Variants in ADAM10 observed in about 807,000 individuals in gnomAD.
ADAM10 encodes ADAM metallopeptidase domain 10, also known as disintegrin and metalloproteinase domain-containing protein 10.
A neutral mutation model predicts 90.1 loss-of-function variants in ADAM10; 17 were observed. The ratio of observed to expected loss-of-function variants is 0.19; its 90% CI spans 0.13 to 0.28. The LOEUF (loss-of-function observed/expected upper bound fraction) is 0.28, where lower values mean the gene tolerates loss of function less well. Ranked by LOEUF, ADAM10 falls within the 10% of genes least tolerant of loss-of-function variation. The pLI is 1.00. For missense variants in ADAM10, 610 were observed against 914.3 expected, an observed-to-expected ratio of 0.67 and a Z score of 4.29; for synonymous variants, 310 against 298.6, an observed-to-expected ratio of 1.04 and a Z score of -0.40.
At chr15:58,729,226 G>T (rs536853794) in intron 1 of ADAM10, among the ~76,000 whole-genome samples, 15 of 152,084 alleles carry the variant, frequency 9.9e-5, no homozygotes, top group Non-Finnish European at 1.8e-4. Context: ...AGAAAATATG[G>T]AGGCCTACTA....
Position 58,623,042 on chromosome 15 carries a change from G to A in ADAM10, c.1361-1421C>T, listed in dbSNP as rs149440152. Among the ~76,000 whole-genome samples the A allele has an allele frequency of 8.4e-3, 1,276 of 152,094 alleles. 18 individuals are homozygous for A. The highest frequency in any genetic ancestry group is 0.029 in the African/African-American group (1,214 of 41,466). On this transcript the variant is annotated intron_variant, in intron 10 of 15. Coordinates refer to ENST00000260408, the MANE Select transcript of ADAM10 (RefSeq NM_001110.4). ...AGTCATTGTACAGGCTTTAAGTTGC[G>A]AATTGAATAAGTAGAAGGGAACACA...
In ADAM10 at chr15:58,597,178, A is replaced by T; in HGVS notation, c.*369T>A. 3.6e-6 allele frequency: 2 copies of T among 561,618 alleles called. No homozygotes were observed. The highest frequency in any genetic ancestry group is 6.7e-5 in the East Asian group (2 of 29,696). The allele number at this position is 561,618 out of a possible 1,614,324, so 34.8% of individuals were successfully genotyped here. A position where few individuals can be genotyped will look rare whatever the true frequency, so the allele number is the denominator to read the frequency against. ...CTAGCCTTGATTGGCAGTTGAAAAA[A>T]ATATATTTATTTCAATTTGTGGTAA... On this transcript the variant is annotated 3_prime_UTR_variant, in exon 16 of 16. Transcript: ENST00000260408.
chr15:58,607,178 T>A (rs1206821792), intron 14 of ADAM10, among the ~76,000 whole-genome samples: 2 of 152,228 alleles, frequency 1.3e-5, no homozygotes, highest in Non-Finnish European at 2.9e-5. Context: ...TCTAGATGAG[T>A]GGTTCTTAAC....
Position 58,735,251 on chromosome 15 carries a change from T to C in ADAM10, c.55+14229A>G, listed in dbSNP as rs538472730. On this transcript the variant is annotated intron_variant, in intron 1 of 15. Transcript: ENST00000260408. ...TTTACTCCGATTCCTTATCACCTAC[T>C]CTATCCTGATCCTTACTACTTGCTA... 5.3e-5 allele frequency among the ~76,000 whole-genome samples: 8 copies of C among 152,290 alleles called. No individual in the cohort carries two copies. In the South Asian group the frequency reaches 1.0e-3, roughly 20 times the overall value.
rs1894896518 is a variant in ADAM10, at chr15:58,594,363, T to C, written c.*3184A>G. On this transcript the variant is annotated 3_prime_UTR_variant, in exon 16 of 16. Coordinates refer to ENST00000260408, the MANE Select transcript of ADAM10 (RefSeq NM_001110.4). Reference sequence around the variant, plus strand: ...GTTGCCAAGGACACCAATCCCATCTTTAAGAAATAATAATAATTAGGTCTT... The same window carrying C: ...GTTGCCAAGGACACCAATCCCATCTCTAAGAAATAATAATAATTAGGTCTT... 1 of 152,212 alleles carries C rather than the reference T, an allele frequency of 6.6e-6. No individual in the cohort carries two copies. Among genetic ancestry groups the C allele is most frequent in the Non-Finnish European group, 1.5e-5 (1 of 68,032 alleles). 9.4% of individuals were successfully genotyped at this position (152,212 alleles called of 1,614,324 possible).
rs1894904036 is a variant in ADAM10, at chr15:58,594,653, G to C, written c.*2894C>G. The stretch of plus-strand genomic sequence containing the variant: ...TTATTTTATTTCTGATTTTGTTTGT[G>C]AATTGGTACCTGAATTTATAAAACT... On this transcript the variant is annotated 3_prime_UTR_variant, in exon 16 of 16. Transcript: ENST00000260408. The C allele has an allele frequency of 6.6e-6, 1 of 152,130 alleles. No homozygotes were observed. Among genetic ancestry groups the C allele is most frequent in the Admixed American group, 6.6e-5 (1 of 15,264 alleles). 9.4% of individuals were successfully genotyped at this position (152,130 alleles called of 1,614,324 possible).
intron 2 of ADAM10, among the ~76,000 whole-genome samples, chr15:58,708,086 C>A (rs896815289): frequency 6.6e-5 from 10 of 151,568 alleles, no homozygotes; most frequent in African/African-American, 2.4e-4. Context: ...CAAAAAAAAA[C>A]AAAAACAAAA....
At chr15:58,679,339 C>A (rs751560809) in intron 3 of ADAM10, 57 bp from the exon 4 acceptor site, 27 of 1,465,448 alleles carry the variant, frequency 1.8e-5, no homozygotes, top group Non-Finnish European at 2.5e-5. Context: ...ATGTTAAATT[C>A]ATTCATATAT....
In ADAM10 at chr15:58,659,428, C is replaced by A. The variant is rs965673030; in HGVS notation, c.585+5669G>T. ...TTTTTAGTTTGCCATGTGTTGAGTG[C>A]TGAAATTTGGCAATGCTTTTTTACT... On this transcript the variant is annotated intron_variant, in intron 5 of 15. Transcript: ENST00000260408. 4.6e-5 allele frequency among the ~76,000 whole-genome samples: 7 copies of A among 152,196 alleles called. No individual in the cohort carries two copies. The South Asian group carries it at 1.5e-3, about 32-fold the overall frequency.
intron 10 of ADAM10, among the ~76,000 whole-genome samples, chr15:58,623,531 C>T (rs546593388): frequency 1.9e-4 from 29 of 152,314 alleles, no homozygotes; most frequent in African/African-American, 7.0e-4. Context: ...GAAGCATGCA[C>T]TATTTATAAT....
At chr15:58,685,398 G>A (rs1271980657) in intron 2 of ADAM10, among the ~76,000 whole-genome samples, 1 of 151,178 alleles carries the variant, frequency 6.6e-6, no homozygotes, top group African/African-American at 2.4e-5. Context: ...GGGAGGCAGA[G>A]CTTGCAGTGA....
intron 2 of ADAM10, among the ~76,000 whole-genome samples, chr15:58,710,149 C>T (rs1443829618): frequency 2.6e-5 from 4 of 152,064 alleles, no homozygotes; most frequent in Admixed American, 6.6e-5. Context: ...TGTGGTGGTG[C>T]ACGCCTATAG....
At chr15:58,649,594 TTC>T (rs1896633917) in intron 5 of ADAM10, among the ~76,000 whole-genome samples, 1 of 152,202 alleles carries the variant, frequency 6.6e-6, no homozygotes, top group African/African-American at 2.4e-5. Context: ...GGATGGCAGT[TTC>T]TCTGTTTCAG....
intron 2 of ADAM10, chr15:58,692,891 C>T (rs538955576): frequency 2.6e-5 from 18 of 686,808 alleles, no homozygotes; most frequent in South Asian, 2.4e-4. Context: ...GCAATGGCTC[C>T]CAAATTATTT....
In ADAM10 at chr15:58,592,988, G is replaced by A. The variant is rs1212412732; in HGVS notation, c.*4559C>T. 1 of 148,132 alleles carries A rather than the reference G, an allele frequency of 6.8e-6. No homozygotes were observed. The highest frequency in any genetic ancestry group is 1.5e-5 in the Non-Finnish European group (1 of 67,196). 9.2% of individuals were successfully genotyped at this position (148,132 alleles called of 1,614,324 possible). On this transcript the variant is annotated 3_prime_UTR_variant, in exon 16 of 16. Transcript: ENST00000260408. ...TACATGTCCAAACAATGGGAAATTG[G>A]TTAAGAAAAAAAAAAACATACATCC...
intron 1 of ADAM10, among the ~76,000 whole-genome samples, chr15:58,718,501 CTCT>C (rs745950343): frequency 2.4e-4 from 37 of 151,928 alleles, no homozygotes; most frequent in Non-Finnish European, 4.1e-4. Context: ...GAAGTATTAC[CTCT>C]TCTTCAATTC....
At chr15:58,688,891 A>G (rs1213442980) in intron 2 of ADAM10, among the ~76,000 whole-genome samples, 1 of 149,618 alleles carries the variant, frequency 6.7e-6, no homozygotes, top group Non-Finnish European at 1.5e-5. Context: ...CTTGATGTAC[A>G]GAGAGATAAA....
intron 8 of ADAM10, 74 bp from the exon 9 acceptor site, chr15:58,633,433 T>C (rs1318185884): frequency 6.4e-6 from 8 of 1,253,746 alleles, no homozygotes; most frequent in African/African-American, 6.0e-5. Context: ...ACATGCTATA[T>C]TAAATGAAAA....
intron 8 of ADAM10, among the ~76,000 whole-genome samples, chr15:58,639,269 C>T (rs1198627429): frequency 6.6e-6 from 1 of 152,140 alleles, no homozygotes; most frequent in Non-Finnish European, 1.5e-5. Context: ...CGGGGTAGTG[C>T]CTATGAACTT....
Sources: allele counts gnomAD v4.1 joint callset (sites outside exome capture counted in the v4.1 genomes callset), GRCh38; gene constraint gnomAD v4.1.1; transcripts MANE v1.5; gene names NCBI Gene and HGNC (gene_info 2026-07-23, HGNC 2026-07-21).